The following NCAPH variants were observed in gnomAD, a reference collection of about 807,000 sequenced individuals.
The protein encoded by NCAPH is condensin complex subunit 2.
A neutral mutation model predicts 85.5 loss-of-function variants in NCAPH; 38 were observed. The observed-to-expected ratio is 0.44, with a 90% CI of 0.34 to 0.58. The LOEUF (loss-of-function observed/expected upper bound fraction) is 0.58. NCAPH is among the 20% of genes least tolerant of loss of function. The pLI is 0.01. For synonymous variants in NCAPH, 301 were observed against 335.1 expected, an observed-to-expected ratio of 0.90 and a Z score of 1.11; for missense variants, 789 against 916.6, an observed-to-expected ratio of 0.86 and a Z score of 1.80.
Position 96,376,786 on chromosome 2 carries a change from C to T in NCAPH, c.*3435C>T, listed in dbSNP as rs1396325174. Among the ~76,000 whole-genome samples the T allele has an allele frequency of 1.3e-5, 2 of 151,704 alleles. No individual in the cohort carries two copies. The highest frequency in any genetic ancestry group is 2.9e-5 in the Non-Finnish European group (2 of 67,978). ...TCGAGTAGAATTCTCAGTTTTGGTTCATTTAAAAATGTTTTTTGGGGGAAT... is the reference window on the plus strand; with the variant it reads ...TCGAGTAGAATTCTCAGTTTTGGTTTATTTAAAAATGTTTTTTGGGGGAAT... On this transcript the variant is annotated 3_prime_UTR_variant, in exon 18 of 18. Coordinates refer to ENST00000240423, the MANE Select transcript of NCAPH (RefSeq NM_015341.5).
At position 96,375,678 on chromosome 2, in the gene NCAPH, A is replaced by G. The variant is rs2064824215; in HGVS notation, c.*2327A>G. On this transcript the variant is annotated 3_prime_UTR_variant, in exon 18 of 18. Transcript: ENST00000240423. ...TTGACTAAGACAGTGGGTATGCAAG[A>G]TAAGTTTATTTTATATAAAATACTT... 6.6e-6 allele frequency among the ~76,000 whole-genome samples: 1 copy of G among 152,210 alleles called. No homozygotes were observed. The highest frequency in any genetic ancestry group is 2.4e-5 in the African/African-American group (1 of 41,444).
rs539592705 is a variant in NCAPH, at chr2:96,337,391, C to G, written c.19+1543C>G. 3.5e-4 allele frequency among the ~76,000 whole-genome samples: 53 copies of G among 152,276 alleles called. 1 individual carries two copies. The highest frequency in any genetic ancestry group is 1.2e-3 in the African/African-American group (51 of 41,562). On this transcript the variant is annotated intron_variant, in intron 1 of 17. Coordinates refer to ENST00000240423, the MANE Select transcript of NCAPH (RefSeq NM_015341.5). ...AGTTTCTAAAAATGTCTCTTGCCTC[C>G]TCCCTTCCTATTTTTACTTTGTTGT...
chr2:96,373,508 A>T lies in NCAPH; in HGVS notation c.*157A>T, dbSNP rs184320146. 1.5e-6 allele frequency: 1 copy of T among 683,734 alleles called. No individual in the cohort carries two copies. Among genetic ancestry groups the T allele is most frequent in the East Asian group, 2.7e-5 (1 of 37,504 alleles). 42.4% of individuals were successfully genotyped at this position (683,734 alleles called of 1,614,324 possible). ...TTGTTGCTCTTTCCTTCTCTCCATC[A>T]TAGTCTGGGTGCCAGCGCCCTGAAG... On this transcript the variant is annotated 3_prime_UTR_variant, in exon 18 of 18. Coordinates refer to ENST00000240423, the MANE Select transcript of NCAPH (RefSeq NM_015341.5).
intron 7 of NCAPH, 72 bp downstream of exon 7, chr2:96,352,092 C>A: frequency 1.5e-6 from 2 of 1,378,594 alleles, no homozygotes; most frequent in Non-Finnish European, 2.0e-6. Context: ...CCATGGGGTA[C>A]AATAAGCCCA....
At chr2:96,340,131 C>G (rs565202885) in intron 1 of NCAPH, among the ~76,000 whole-genome samples, 2 of 151,772 alleles carry the variant, frequency 1.3e-5, no homozygotes, top group Admixed American at 6.6e-5. Flanking sequence ...CCATGTTGAC[C>G]GGGCTGGTCT....
At position 96,373,419 on chromosome 2, in the gene NCAPH, C is replaced by CG. The variant is rs1558806322; in HGVS notation, c.*73dup. 2.0e-6 allele frequency: 3 copies of CG among 1,476,562 alleles called. No individual in the cohort carries two copies. Among genetic ancestry groups the CG allele is most frequent in the Non-Finnish European group, 2.8e-6 (3 of 1,058,128 alleles). The allele number at this position is 1,476,562 out of a possible 1,614,324, so 91.5% of individuals were successfully genotyped here. On this transcript the variant is annotated 3_prime_UTR_variant, in exon 18 of 18. Coordinates refer to ENST00000240423, the MANE Select transcript of NCAPH (RefSeq NM_015341.5). ...TCAGTTGCCGGGACATCCCCAGTCTCGGGGGAAGAAGATGCCATGGGCTTA... is the reference window on the plus strand; with the variant it reads ...TCAGTTGCCGGGACATCCCCAGTCTCGGGGGGAAGAAGATGCCATGGGCTTA...
intron 3 of NCAPH, among the ~76,000 whole-genome samples, chr2:96,342,367 T>G (rs554351628): frequency 6.6e-6 from 1 of 152,212 alleles, no homozygotes; most frequent in African/African-American, 2.4e-5. Flanking sequence ...GAGTTAATAG[T>G]AGAGTTCTGG....
At chr2:96,368,488 C>G (rs557452660) in intron 15 of NCAPH, among the ~76,000 whole-genome samples, 52 of 152,212 alleles carry the variant, frequency 3.4e-4, no homozygotes, top group African/African-American at 1.2e-3. Flanking sequence ...AACCCCATCT[C>G]TACTAAAAAA....
rs1363956786 is a variant in NCAPH at position 96,375,060 on chromosome 2, T to G, written c.*1709T>G. On this transcript the variant is annotated 3_prime_UTR_variant, in exon 18 of 18. Coordinates refer to ENST00000240423, the MANE Select transcript of NCAPH (RefSeq NM_015341.5). ...ATCTTTAAAAAAAAAGTTTAAAAAT[T>G]AGCCAGGTACGGAGGTGTGTGCCTG... Among the ~76,000 whole-genome samples the G allele has an allele frequency of 6.6e-6, 1 of 152,046 alleles. No homozygotes were observed. Among genetic ancestry groups the G allele is most frequent in the African/African-American group, 2.4e-5 (1 of 41,390 alleles).
Position 96,375,040 on chromosome 2 carries a change from T to TA in NCAPH, c.*1698dup, listed in dbSNP as rs75656599. On this transcript the variant is annotated 3_prime_UTR_variant, in exon 18 of 18. Coordinates refer to ENST00000240423, the MANE Select transcript of NCAPH (RefSeq NM_015341.5). ...CCTGGGCAAAATAGAACCCCATCTT[T>TA]AAAAAAAAAGTTTAAAAATTAGCCA... Among the ~76,000 whole-genome samples the TA allele has an allele frequency of 2.2e-3, 327 of 150,814 alleles. 1 individual carries two copies. The highest frequency in any genetic ancestry group is 0.01 in the Middle Eastern group (3 of 294).
At chr2:96,337,334 C>T (rs1573057930) in intron 1 of NCAPH, among the ~76,000 whole-genome samples, 1 of 152,340 alleles carries the variant, frequency 6.6e-6, no homozygotes, top group South Asian at 2.1e-4. Flanking sequence ...GTGCTCACAT[C>T]CAAATACTGT....
intron 6 of NCAPH, among the ~76,000 whole-genome samples, chr2:96,348,556 A>C (rs149388483): frequency 4.4e-4 from 67 of 152,150 alleles, no homozygotes; most frequent in Non-Finnish European, 8.5e-4. Context: ...TTTATTAGTC[A>C]TAGGGATCCA....
rs373618383 is a variant in NCAPH, at chr2:96,343,252, G to A, written c.543G>A (p.Gly181=). ...ATGCCGATGTATACAGAGTCCTTGG[G>A]GGGCTGGGCAAAGATGCACCGTCTT... ...AVHADVYRVL[G]GLGKDAPSLE... Residue 181 remains glycine (G), a synonymous_variant, in exon 5 of 18, where the codon GGG becomes GGA. Coordinates refer to ENST00000240423, the MANE Select transcript of NCAPH (RefSeq NM_015341.5). 2.7e-5 allele frequency: 44 copies of A among 1,613,746 alleles called. No individual in the cohort carries two copies. The highest frequency in any genetic ancestry group is 3.6e-5 in the Non-Finnish European group (42 of 1,179,842).
In NCAPH at chr2:96,377,014, CTCAT is replaced by C. The variant is rs1443468772; in HGVS notation, c.*3664_*3667del. On this transcript the variant is annotated 3_prime_UTR_variant, in exon 18 of 18. Transcript: ENST00000240423. Reference sequence around the variant, plus strand: ...ACATTGCATGCCTGTATCAAAATATCTCATGTACCCCATAAATATATGCACCTAC... The same window carrying C: ...ACATTGCATGCCTGTATCAAAATATCGTACCCCATAAATATATGCACCTAC... Among the ~76,000 whole-genome samples the C allele has an allele frequency of 6.6e-6, 1 of 151,704 alleles. No homozygotes were observed. Among genetic ancestry groups the C allele is most frequent in the Non-Finnish European group, 1.5e-5 (1 of 67,980 alleles).
At chr2:96,343,113 C>T (rs889018556) in intron 4 of NCAPH, 53 bp from the exon 5 acceptor site, 6 of 1,601,554 alleles carry the variant, frequency 3.7e-6, no homozygotes, top group Non-Finnish European at 5.1e-6. Flanking sequence ...TTTACCTGTT[C>T]AGAAGTTGTT....
At chr2:96,340,416 G>A (rs1276872638) in intron 1 of NCAPH, among the ~76,000 whole-genome samples, 3 of 125,718 alleles carry the variant, frequency 2.4e-5, no homozygotes, top group African/African-American at 9.0e-5. Flanking sequence ...TTGAGACGGA[G>A]TTTCACTCTT....
intron 5 of NCAPH, 141 bp from the exon 6 acceptor site, chr2:96,343,964 A>T: frequency 9.4e-7 from 1 of 1,066,048 alleles, no homozygotes; most frequent in Non-Finnish European, 1.3e-6. Flanking sequence ...AGCCTCCCAA[A>T]GCGCTAGGAT....
rs866478877 is a variant in NCAPH, at chr2:96,355,649, T to G, written c.1208+1261T>G. 2.7e-4 allele frequency among the ~76,000 whole-genome samples: 41 copies of G among 151,436 alleles called. 1 individual carries two copies. The highest frequency in any genetic ancestry group is 2.8e-4 in the Non-Finnish European group (19 of 67,754). On this transcript the variant is annotated intron_variant, in intron 9 of 17. Transcript: ENST00000240423. Reference sequence around the variant, plus strand: ...TTTTTGTTTTTATGTTTTTTTGTTTTTTTTTTTTTTGAGACAGAGTCTCGG... The same window carrying G: ...TTTTTGTTTTTATGTTTTTTTGTTTGTTTTTTTTTTGAGACAGAGTCTCGG...
At chr2:96,351,070 T>C (rs1265780734) in intron 6 of NCAPH, among the ~76,000 whole-genome samples, 3 of 152,232 alleles carry the variant, frequency 2.0e-5, no homozygotes, top group Non-Finnish European at 4.4e-5. Context: ...CAGCTAGCCC[T>C]ACTGACTCTG....
Sources: gnomAD v4.1 joint callset for allele counts (sites outside exome capture counted in the v4.1 genomes callset) on GRCh38, gnomAD v4.1.1 for gene constraint, MANE v1.5 for transcripts, NCBI Gene and HGNC (gene_info 2026-07-23, HGNC 2026-07-21) for gene names.